ALYREF: variants seen among roughly 807,000 people sequenced by gnomAD.
ALYREF encodes THO complex subunit 4.
Under a neutral mutation model 25.2 loss-of-function variants are expected in ALYREF, and 1 was observed. The observed-to-expected ratio is 0.04, with a 90% CI of 0.01 to 0.19. ALYREF has a LOEUF of 0.19. ALYREF is among the 10% of genes least tolerant of loss of function. ALYREF has a pLI of 1.00. For synonymous variants in ALYREF, 193 were observed against 153.5 expected (o/e 1.26, Z -1.90); for missense variants, 328 against 375.6 (o/e 0.87, Z 1.05).
chr17:81,888,805 G>C lies in ALYREF; in HGVS notation c.539-222C>G. The C allele has an allele frequency of 2.1e-6, 3 of 1,426,200 alleles. No individual in the cohort carries two copies. The highest frequency in any genetic ancestry group is 2.7e-6 in the Non-Finnish European group (3 of 1,092,700). 88.3% of individuals were successfully genotyped at this position (1,426,200 alleles called of 1,614,324 possible). ...CTCCTTCTCAGTCCAGACTAGGTGG[G>C]CTGCTCGCTGAGGTATCGGGGTGCT... On this transcript the variant is annotated intron_variant, in intron 3 of 5. Transcript: ENST00000505490. This position sits in a 1 kb window ranked among gnomAD's most constrained non-coding sequence, Gnocchi z 5.8.
Position 81,888,666 on chromosome 17 carries a change from C to CA in ALYREF, c.539-84dup. On this transcript the variant is annotated intron_variant, in intron 3 of 5. Coordinates refer to ENST00000505490, the MANE Select transcript of ALYREF (RefSeq NM_005782.4). This position sits in a 1 kb window ranked among gnomAD's most constrained non-coding sequence, Gnocchi z 5.8. ...CTGGCGCCACACCCTGGTCTCCATG[C>CA]AAACACTGGAAAGGGCCTCTGTGCG... 6.5e-7 allele frequency: 1 copy of CA among 1,537,924 alleles called. No homozygotes were observed.
chr17:81,888,782 C>A lies in ALYREF; in HGVS notation c.539-199G>T. ...GCAACCCCACCAACACCTCCTCACT[C>A]CTTCTCAGTCCAGACTAGGTGGGCT... On this transcript the variant is annotated intron_variant, in intron 3 of 5. Transcript: ENST00000505490. The surrounding 1 kb of genome is among the most constrained non-coding windows in gnomAD (Gnocchi z 5.8). 1 of 1,441,962 alleles carries A rather than the reference C, an allele frequency of 6.9e-7. No homozygotes were observed. The highest frequency in any genetic ancestry group is 9.1e-7 in the Non-Finnish European group (1 of 1,098,942). 89.3% of individuals were successfully genotyped at this position (1,441,962 alleles called of 1,614,324 possible).
At chr17:81,889,375 T>C (rs754317030) in intron 2 of ALYREF, 46 bp from the exon 3 acceptor site, 2 of 1,603,358 alleles carry the variant, frequency 1.2e-6, no homozygotes, top group East Asian at 2.2e-5. Flanking sequence ...CAAAACTGCG[T>C]TCCTTCTGGT....
At chr17:81,890,262 A>C (rs1257309308) in intron 2 of ALYREF, among the ~76,000 whole-genome samples, 1 of 152,192 alleles carries the variant, frequency 6.6e-6, no homozygotes, top group Non-Finnish European at 1.5e-5. Flanking sequence ...GACAGTACTC[A>C]AGGCAAACAG....
At position 81,889,235 on chromosome 17, in the gene ALYREF, C is replaced by A; in HGVS notation, c.485G>T (p.Arg162Leu). Residue 162 changes from arginine to leucine, a missense_variant, in exon 3 of 6, where the codon CGG becomes CTG. Around this residue, in one of 3 missense-constraint regions of ALYREF, gnomAD observed 70 missense variants for 129.9 expected, o/e 0.54. Transcript: ENST00000505490. ...CATGGCCTTCAGGGCATCTGCCTTC[C>A]GCTCAAAGTGCACGTCTGCTGTTCC... ...SLGTADVHFERKADALKAMKQ... is the reference protein window; with the variant it reads ...SLGTADVHFELKADALKAMKQ... 1 of 1,614,240 alleles carries A rather than the reference C, an allele frequency of 6.2e-7. No homozygotes were observed. The highest frequency in any genetic ancestry group is 8.5e-7 in the Non-Finnish European group (1 of 1,180,046).
intron 1 of ALYREF, chr17:81,891,037 C>A (rs2039514094): frequency 1.4e-6 from 1 of 724,096 alleles, no homozygotes; most frequent in East Asian, 2.8e-5. Flanking sequence ...TAACTTCCCG[C>A]CGCCTGTGCC....
chr17:81,890,621 C>A, intron 2 of ALYREF, 68 bp downstream of exon 2: 1 of 1,586,928 alleles, frequency 6.3e-7, no homozygotes, highest in Non-Finnish European at 8.6e-7. Flanking sequence ...GACTCAGGGC[C>A]ACATCCCCAA....
Position 81,888,893 on chromosome 17 carries a change from C to T in ALYREF, c.538+289G>A, listed in dbSNP as rs2039466177. On this transcript the variant is annotated intron_variant, in intron 3 of 5. Coordinates refer to ENST00000505490, the MANE Select transcript of ALYREF (RefSeq NM_005782.4). The surrounding 1 kb of genome is among the most constrained non-coding windows in gnomAD (Gnocchi z 5.8). Reference sequence around the variant, plus strand: ...ACCGGTACCTTTGTCTTTACGACTACAGCCCCGCACTCAGAGGTGTACTAT... The same window carrying T: ...ACCGGTACCTTTGTCTTTACGACTATAGCCCCGCACTCAGAGGTGTACTAT... The T allele has an allele frequency of 8.5e-6, 12 of 1,407,874 alleles. No homozygotes were observed. The highest frequency in any genetic ancestry group is 1.0e-5 in the Non-Finnish European group (11 of 1,082,804). The allele number at this position is 1,407,874 out of a possible 1,614,324, so 87.2% of individuals were successfully genotyped here. A position where few individuals can be genotyped will look rare whatever the true frequency, so the allele number is the denominator to read the frequency against.
At chr17:81,889,156 C>A in intron 3 of ALYREF, 26 bp downstream of exon 3, 1 of 1,610,188 alleles carries the variant, frequency 6.2e-7, no homozygotes, top group South Asian at 1.1e-5. Flanking sequence ...GCCCCACAGT[C>A]AGCGTGGGTC....
At chr17:81,891,129 G>C (rs1272351925) in intron 1 of ALYREF, 194 bp downstream of exon 1, 1 of 610,748 alleles carries the variant, frequency 1.6e-6, no homozygotes, top group African/African-American at 1.9e-5. Context: ...TCAGCCTCCG[G>C]GACCGGACCC....
Position 81,888,411 on chromosome 17 carries a change from T to C in ALYREF, c.610A>G (p.Arg204Gly). The C allele has an allele frequency of 3.1e-6, 5 of 1,597,768 alleles. No individual in the cohort carries two copies. Among genetic ancestry groups the C allele is most frequent in the Non-Finnish European group, 4.3e-6 (5 of 1,171,184 alleles). Residue 204 changes from arginine (R) to glycine (G), a missense_variant, in exon 5 of 6, where the codon AGA (arginine) becomes GGA (glycine). By Grantham distance (125) the Arg-to-Gly change is moderately radical (BLOSUM62 -2). Around this residue, in one of 3 missense-constraint regions of ALYREF, gnomAD observed 108 missense variants for 110.5 expected, o/e 0.98. Transcript: ENST00000505490. The surrounding 1 kb of genome is among the most constrained non-coding windows in gnomAD (Gnocchi z 5.8). The part of the protein sequence containing the change: ...AQRRPAQSVN[R>G]GGMTRNRGAG... ...CCACGGTTTCTAGTCATGCCACCTC[T>C]GTTTACGCTAGCAAGGAAGACGAAA...
intron 2 of ALYREF, chr17:81,890,096 T>C (rs925633024): frequency 1.3e-5 from 2 of 152,264 alleles, no homozygotes; most frequent in African/African-American, 4.8e-5. Context: ...CAAAAAGTCA[T>C]TTCTTAACCA....
intron 1 of ALYREF, chr17:81,891,077 G>A (rs2039515177): frequency 1.5e-6 from 1 of 671,078 alleles, no homozygotes; most frequent in Non-Finnish European, 2.4e-6. Flanking sequence ...CTCCTGCCAC[G>A]AGGCCCCAAC....
intron 1 of ALYREF, 179 bp from the exon 2 acceptor site, chr17:81,890,999 C>G (rs2039512553): frequency 1.1e-6 from 1 of 936,316 alleles, no homozygotes. Context: ...GGTCCCACCG[C>G]GGCCGCACAA....
At chr17:81,891,299 G>A (rs1470084462) in intron 1 of ALYREF, 24 bp downstream of exon 1, 5 of 1,129,850 alleles carry the variant, frequency 4.4e-6, no homozygotes, top group African/African-American at 1.7e-5. Context: ...CCCACTCTCC[G>A]GCGCGGCCGG....
Position 81,888,423 on chromosome 17 carries a change from CA to C in ALYREF, c.603-6del, listed in dbSNP as rs776875612. On this transcript the variant is annotated splice_region_variant and splice_polypyrimidine_tract_variant and intron_variant, in intron 4 of 5. Coordinates refer to ENST00000505490, the MANE Select transcript of ALYREF (RefSeq NM_005782.4). The surrounding 1 kb of genome is among the most constrained non-coding windows in gnomAD (Gnocchi z 5.8). ...GTCATGCCACCTCTGTTTACGCTAG[CA>C]AGGAAGACGAAACCGTTCACACACC... The C allele has an allele frequency of 2.2e-5, 35 of 1,598,234 alleles. No homozygotes were observed. The highest frequency in any genetic ancestry group is 3.0e-5 in the Non-Finnish European group (35 of 1,170,356).
chr17:81,890,231 C>T (rs922059578), intron 2 of ALYREF, among the ~76,000 whole-genome samples: 1 of 152,128 alleles, frequency 6.6e-6, no homozygotes, highest in Non-Finnish European at 1.5e-5. Flanking sequence ...GATAAAACCA[C>T]AGCGTACAAG....
At chr17:81,890,605 G>A in intron 2 of ALYREF, 84 bp downstream of exon 2, 1 of 1,566,814 alleles carries the variant, frequency 6.4e-7, no homozygotes, top group South Asian at 1.1e-5. Context: ...GCTAAGGCGG[G>A]AAGGGGACTC....
intron 2 of ALYREF, among the ~76,000 whole-genome samples, chr17:81,890,183 G>C (rs1023193071): frequency 8.5e-5 from 13 of 152,110 alleles, no homozygotes; most frequent in Admixed American, 2.0e-4. Context: ...AGATGGATTT[G>C]AGAGTCATGT....
Sources: allele counts gnomAD v4.1 joint callset (sites outside exome capture counted in the v4.1 genomes callset), GRCh38; gene constraint gnomAD v4.1.1; regional missense constraint gnomAD v4.1.1; non-coding constraint Gnocchi (gnomAD v3.1); transcripts MANE v1.5; gene names NCBI Gene and HGNC (gene_info 2026-07-23, HGNC 2026-07-21).